Variants in MAPK4 observed in about 807,000 individuals in gnomAD.
The protein encoded by MAPK4 is mitogen-activated protein kinase 4, also known as Erk3-related.
A neutral mutation model predicts 47.7 loss-of-function variants in MAPK4; 22 were observed. The observed-to-expected ratio is 0.46, with a 90% confidence interval of 0.33 to 0.66. MAPK4 has a LOEUF of 0.66. MAPK4 is among the 30% of genes least tolerant of loss of function. MAPK4 has a pLI of 0.02. For synonymous variants in MAPK4, 390 were observed against 365.7 expected, an observed-to-expected ratio of 1.07 and a Z score of -0.76; for missense variants, 736 against 831.7, an observed-to-expected ratio of 0.88 and a Z score of 1.42.
intron 1 of MAPK4, among the ~76,000 whole-genome samples, chr18:50,571,630 T>G (rs1224885924): frequency 6.6e-6 from 1 of 152,208 alleles, no homozygotes; most frequent in Non-Finnish European, 1.5e-5. Context: ...TCTAAAGAGA[T>G]ATAGTTATTT....
At chr18:50,630,751 C>T (rs2042822169) in intron 1 of MAPK4, among the ~76,000 whole-genome samples, 1 of 152,222 alleles carries the variant, frequency 6.6e-6, no homozygotes, top group Admixed American at 6.5e-5. Context: ...CCTCCGCAGT[C>T]TGACCACGTC....
chr18:50,570,906 C>T (rs1452679852), intron 1 of MAPK4, among the ~76,000 whole-genome samples: 1 of 152,172 alleles, frequency 6.6e-6, no homozygotes, highest in Non-Finnish European at 1.5e-5. Flanking sequence ...CTTACCAGAG[C>T]CTCCATTGGT....
Position 50,605,618 on chromosome 18 carries a change from C to T in MAPK4, c.-871+45375C>T, listed in dbSNP as rs542198342. ...TGCCGATCTCCTTAGATATTCAGTTCAGGCCTGAGGTGGTTTTCATTTGGG... is the reference window on the plus strand; with the variant it reads ...TGCCGATCTCCTTAGATATTCAGTTTAGGCCTGAGGTGGTTTTCATTTGGG... On this transcript the variant is annotated intron_variant, in intron 1 of 5. Transcript: ENST00000400384. Among the ~76,000 whole-genome samples the T allele has an allele frequency of 2.6e-5, 4 of 152,316 alleles. No individual in the cohort carries two copies. In the East Asian group the frequency reaches 7.7e-4, roughly 29 times the overall value.
chr18:50,588,247 T>C (rs990164668), intron 1 of MAPK4, among the ~76,000 whole-genome samples: 1 of 152,228 alleles, frequency 6.6e-6, no homozygotes, highest in Non-Finnish European at 1.5e-5. Flanking sequence ...TGCTGTCAGC[T>C]GCTGACTGGG....
chr18:50,712,303 T>G (rs1910411702), intron 2 of MAPK4, among the ~76,000 whole-genome samples: 1 of 152,100 alleles, frequency 6.6e-6, no homozygotes, highest in Non-Finnish European at 1.5e-5. Flanking sequence ...GGTGTGCGCC[T>G]GTGGTCCCAG....
intron 1 of MAPK4, among the ~76,000 whole-genome samples, chr18:50,639,401 G>T (rs2042918901): frequency 6.6e-6 from 1 of 152,160 alleles, no homozygotes; most frequent in Non-Finnish European, 1.5e-5. Context: ...TTGGTATTTT[G>T]TTAAGGGAGG....
In MAPK4 at chr18:50,729,854, A is replaced by G; in HGVS notation, c.1764A>G (p.Ter588TrpextTer40). ...QTEAFSKERW[*>W] ...AGGCCTTCTCCAAAGAAAGGTGGTGAGGGCGGAGGGGCCGCTCCAGGCCCC... is the reference window on the plus strand; with the variant it reads ...AGGCCTTCTCCAAAGAAAGGTGGTGGGGGCGGAGGGGCCGCTCCAGGCCCC... Residue 588 changes from the stop codon to tryptophan (W), a stop_lost, in exon 6 of 6, where the codon TGA becomes TGG. Coordinates refer to ENST00000400384, the MANE Select transcript of MAPK4 (RefSeq NM_002747.4). 1 of 1,605,332 alleles carries G rather than the reference A, an allele frequency of 6.2e-7. No homozygotes were observed. Among genetic ancestry groups the G allele is most frequent in the East Asian group, 2.2e-5 (1 of 44,664 alleles).
intron 4 of MAPK4, 151 bp downstream of exon 4, chr18:50,722,250 CCTAA>C (rs1453257467): frequency 1.2e-6 from 1 of 832,828 alleles, no homozygotes; most frequent in African/African-American, 1.7e-5. Context: ...GGGCCTTTGC[CCTAA>C]CTACTTCCAA....
chr18:50,707,956 A>G (rs747892449), intron 2 of MAPK4, among the ~76,000 whole-genome samples: 2 of 152,216 alleles, frequency 1.3e-5, no homozygotes, highest in Non-Finnish European at 2.9e-5. Flanking sequence ...GCATCTTAGA[A>G]GTTTATGAAA....
intron 1 of MAPK4, among the ~76,000 whole-genome samples, chr18:50,614,250 G>A (rs750204952): frequency 1.3e-4 from 20 of 151,968 alleles, no homozygotes; most frequent in Admixed American, 5.2e-4. Context: ...TCAGTTGTCA[G>A]TAAGGACCTA....
intron 1 of MAPK4, among the ~76,000 whole-genome samples, chr18:50,614,243 G>C (rs903101913): frequency 5.9e-5 from 9 of 151,954 alleles, no homozygotes; most frequent in African/African-American, 2.2e-4. Flanking sequence ...CTAGTGTTCA[G>C]TTGTCAGTAA....
intron 1 of MAPK4, among the ~76,000 whole-genome samples, chr18:50,605,220 A>G (rs978233777): frequency 3.3e-5 from 5 of 152,298 alleles, no homozygotes; most frequent in Middle Eastern, 3.4e-3. Context: ...TGAAATCCAG[A>G]TCTGTCTGCC....
rs181022258 is a variant in MAPK4, at chr18:50,582,775, G to A, written c.-871+22532G>A. On this transcript the variant is annotated intron_variant, in intron 1 of 5. Transcript: ENST00000400384. ...CTCCTAGCTGGATTGAGCATGACAC[G>A]AGCAGCTTCCATGTTGGGCACCAGT... 5.3e-5 allele frequency among the ~76,000 whole-genome samples: 8 copies of A among 152,318 alleles called. No homozygotes were observed. The South Asian group carries it at 1.2e-3, about 24-fold the overall frequency.
At position 50,729,504 on chromosome 18, in the gene MAPK4, A is replaced by G. The variant is rs1911415244; in HGVS notation, c.1414A>G (p.Thr472Ala). 1 of 1,453,968 alleles carries G rather than the reference A, an allele frequency of 6.9e-7. No individual in the cohort carries two copies. The highest frequency in any genetic ancestry group is 9.1e-7 in the Non-Finnish European group (1 of 1,100,084). 90.1% of individuals were successfully genotyped at this position (1,453,968 alleles called of 1,614,324 possible). A position where few individuals can be genotyped will look rare whatever the true frequency, so the allele number is the denominator to read the frequency against. The change falls in exon 6 of 6, where the codon ACG (threonine) becomes GCG (alanine). Residue 472 changes from threonine (T) to alanine (A), a missense_variant. Physicochemically the swap from Thr to Ala is moderately conservative, Grantham distance 58. Around this residue, in one of 3 missense-constraint regions of MAPK4, gnomAD observed 377 missense variants for 378.6 expected, o/e 1.00. Coordinates refer to ENST00000400384, the MANE Select transcript of MAPK4 (RefSeq NM_002747.4). The stretch of plus-strand genomic sequence containing the variant: ...GAAGCAGGCGGCCGGCGCGCCCCCC[A>G]CGGCCACGGGGCTGGCGGACACGGG... ...HWKQAAGAPP[T>A]ATGLADTGAR...
At chr18:50,698,962 C>T (rs1909644958) in intron 2 of MAPK4, among the ~76,000 whole-genome samples, 1 of 151,996 alleles carries the variant, frequency 6.6e-6, no homozygotes, top group Non-Finnish European at 1.5e-5. Context: ...GAGGCAGAGG[C>T]TGCAGTGAGT....
intron 1 of MAPK4, among the ~76,000 whole-genome samples, chr18:50,562,757 T>G (rs1221906804): frequency 6.6e-6 from 1 of 152,202 alleles, no homozygotes; most frequent in Non-Finnish European, 1.5e-5. Context: ...ATCAGGGAAA[T>G]GTAGTCTAAG....
At chr18:50,724,297 C>T (rs1227018929) in intron 4 of MAPK4, among the ~76,000 whole-genome samples, 1 of 152,218 alleles carries the variant, frequency 6.6e-6, no homozygotes, top group Admixed American at 6.5e-5. Flanking sequence ...AATCCTCCTG[C>T]CTTGGCCTCC....
rs80191635 is a variant in MAPK4 at position 50,700,059 on chromosome 18, C to T, written c.547-15020C>T. ...AGGCATGATTGATTTAATCATTGGC[C>T]ACCTAACTGAACTCAACCTCCAGCC... is the stretch of plus-strand genomic sequence containing the variant. On this transcript the variant is annotated intron_variant, in intron 2 of 5. Coordinates refer to ENST00000400384, the MANE Select transcript of MAPK4 (RefSeq NM_002747.4). Among the ~76,000 whole-genome samples, 516 of 152,218 alleles carry T rather than the reference C, an allele frequency of 3.4e-3. 1 individual carries two copies. Among genetic ancestry groups the T allele is most frequent in the African/African-American group, 0.012 (486 of 41,514 alleles).
chr18:50,600,550 C>T (rs1476063410), intron 1 of MAPK4, among the ~76,000 whole-genome samples: 2 of 152,108 alleles, frequency 1.3e-5, no homozygotes, highest in Non-Finnish European at 2.9e-5. Flanking sequence ...ATAGCCATGA[C>T]CATCAGAGCC....
Sources: gnomAD v4.1 joint callset for allele counts (sites outside exome capture counted in the v4.1 genomes callset) on GRCh38, gnomAD v4.1.1 for gene constraint, gnomAD v4.1.1 regional missense constraint, MANE v1.5 for transcripts, NCBI Gene and HGNC (gene_info 2026-07-23, HGNC 2026-07-21) for gene names.